The following OR6N1 variants were observed in gnomAD, a reference collection of about 807,000 sequenced individuals.
OR6N1 encodes the protein olfactory receptor 6N1.
For synonymous variants in OR6N1, 170 were observed against 150.7 expected (o/e 1.13, Z -0.94); for missense variants, 394 against 371.7 (o/e 1.06, Z -0.49).
At chr1:158,788,170 A>T in the OR6N1 span, among the ~76,000 whole-genome samples, 1 of 152,210 alleles carries the variant, frequency 6.6e-6, no homozygotes, top group African/African-American at 2.4e-5. Context: ...TGTTAATAGA[A>T]GAAGCATAAA....
chr1:158,820,734 A>T, the OR6N1 span, among the ~76,000 whole-genome samples: 1 of 152,352 alleles, frequency 6.6e-6, no homozygotes, highest in Middle Eastern at 3.4e-3. Context: ...CAAACTGCTT[A>T]AAAGTGGACA....
the OR6N1 span, among the ~76,000 whole-genome samples, chr1:158,786,635 T>C: frequency 1.3e-5 from 2 of 152,184 alleles, no homozygotes; most frequent in Non-Finnish European, 2.9e-5. Flanking sequence ...AAAGAAAATG[T>C]GGTATATATA....
chr1:158,787,634 C>G, the OR6N1 span, among the ~76,000 whole-genome samples: 2 of 132,704 alleles, frequency 1.5e-5, no homozygotes, highest in Admixed American at 1.4e-4. Context: ...CTCTCTCTCT[C>G]TCACACACAC....
chr1:158,776,610 T>C, upstream of OR6N1: 1 of 802,636 alleles, frequency 1.2e-6, no homozygotes, highest in Non-Finnish European at 2.0e-6. Flanking sequence ...AGAGCATGTG[T>C]GATGATGGGA....
the OR6N1 span, among the ~76,000 whole-genome samples, chr1:158,796,791 T>C: frequency 2.0e-5 from 3 of 152,292 alleles, no homozygotes; most frequent in East Asian, 5.8e-4. Context: ...TGTCTTTAAA[T>C]TGAAAAATTA....
chr1:158,839,450 A>T, the OR6N1 span, among the ~76,000 whole-genome samples: 1 of 152,268 alleles, frequency 6.6e-6, no homozygotes, highest in East Asian at 1.9e-4. Flanking sequence ...CCCAGGGAGT[A>T]GCAGATCCCA....
the OR6N1 span, among the ~76,000 whole-genome samples, chr1:158,812,237 T>C: frequency 7.2e-5 from 11 of 152,322 alleles, no homozygotes; most frequent in Admixed American, 2.6e-4. Flanking sequence ...ATCAGTGTGA[T>C]ACAAATGACT....
At chr1:158,783,552 G>A in the OR6N1 span, among the ~76,000 whole-genome samples, 2 of 152,046 alleles carry the variant, frequency 1.3e-5, no homozygotes, top group African/African-American at 4.8e-5. Context: ...TCACCTCTTT[G>A]AAGAAGTCTT....
the OR6N1 span, among the ~76,000 whole-genome samples, chr1:158,780,723 T>A: frequency 6.6e-6 from 1 of 152,190 alleles, no homozygotes; most frequent in Non-Finnish European, 1.5e-5. Flanking sequence ...GTAGAAAAAT[T>A]GTAAGTAGAA....
At chr1:158,774,642 C>T (rs1476656614), upstream of OR6N1, 1 of 152,058 alleles carries the variant, frequency 6.6e-6, no homozygotes, top group African/African-American at 2.4e-5. Flanking sequence ...TATGTTTACG[C>T]ATAACCATAT....
Position 158,766,482 on chromosome 1 carries a change from G to A in OR6N1, c.201C>T (p.Ser67=), listed in dbSNP as rs553836664. 42 of 1,614,198 alleles carry A rather than the reference G, an allele frequency of 2.6e-5. No individual in the cohort carries two copies. The South Asian group carries it at 3.8e-4, about 15-fold the overall frequency. Residue 67 remains serine (S), a synonymous_variant, in exon 2 of 2, where the codon TCC becomes TCT. Coordinates refer to ENST00000641846, the MANE Select transcript of OR6N1 (RefSeq NM_001005185.2). ...CAGCTGTATAGCCAAGCTCTGAGAA[G>A]GAGAGAATGCTGACAAAGTGGTACA... is the stretch of plus-strand genomic sequence containing the variant. ...TPMYHFVSIL[S]FSELGYTAAT...
At chr1:158,768,247 T>C (rs1657327597) in intron 1 of OR6N1, among the ~76,000 whole-genome samples, 1 of 152,118 alleles carries the variant, frequency 6.6e-6, no homozygotes, top group South Asian at 2.1e-4. Flanking sequence ...GACATCTAAA[T>C]CCATATCTCA....
the OR6N1 span, among the ~76,000 whole-genome samples, chr1:158,802,001 C>CTATAA: frequency 1.3e-5 from 2 of 152,010 alleles, no homozygotes; most frequent in Non-Finnish European, 2.9e-5. Context: ...GGGCTCCTTG[C>CTATAA]TATATGTTCT....
chr1:158,781,887 T>G, the OR6N1 span, among the ~76,000 whole-genome samples: 1 of 152,230 alleles, frequency 6.6e-6, no homozygotes, highest in African/African-American at 2.4e-5. Context: ...CTCTGTGAAG[T>G]TGGTGTGATT....
At chr1:158,800,616 G>C in the OR6N1 span, among the ~76,000 whole-genome samples, 2 of 152,148 alleles carry the variant, frequency 1.3e-5, no homozygotes, top group African/African-American at 2.4e-5. Flanking sequence ...AATTGAGAGG[G>C]AGATAATGCT....
chr1:158,799,078 T>C, the OR6N1 span, among the ~76,000 whole-genome samples: 2 of 152,180 alleles, frequency 1.3e-5, no homozygotes, highest in African/African-American at 2.4e-5. Flanking sequence ...AGACCCCACT[T>C]TCAAAGTATC....
In OR6N1 at chr1:158,766,164, G is replaced by A; in HGVS notation, c.519C>T (p.Arg173=). 1 of 1,614,174 alleles carries A rather than the reference G, an allele frequency of 6.2e-7. No homozygotes were observed. The highest frequency in any genetic ancestry group is 1.1e-5 in the South Asian group (1 of 91,084). The change falls in exon 2 of 2, where the codon CGC becomes CGT. Residue 173 remains arginine, a synonymous_variant. Transcript: ENST00000641846. ...GGAAGTCACAAAAGACGTGCTGAATGCGATTGGGGCCACAGAATGGGAGGC... is the reference window on the plus strand; with the variant it reads ...GGAAGTCACAAAAGACGTGCTGAATACGATTGGGGCCACAGAATGGGAGGC... ...ISRLPFCGPN[R]IQHVFCDFPP... is the part of the protein sequence containing the mutation.
At chr1:158,778,947 A>T in the OR6N1 span, among the ~76,000 whole-genome samples, 1 of 143,402 alleles carries the variant, frequency 7.0e-6, no homozygotes, top group Non-Finnish European at 1.5e-5. Flanking sequence ...TGAACCCGGG[A>T]GGTGGAGCTT....
At chr1:158,780,413 G>A in the OR6N1 span, among the ~76,000 whole-genome samples, 698 of 152,228 alleles carry the variant, frequency 4.6e-3, 10 homozygotes, top group African/African-American at 0.016. Context: ...TCTGTGTAAG[G>A]CCTTCTCTGG....
Sources: allele counts gnomAD v4.1 joint callset (sites outside exome capture counted in the v4.1 genomes callset), GRCh38; gene constraint gnomAD v4.1.1; transcripts MANE v1.5; gene names NCBI Gene and HGNC (gene_info 2026-07-23, HGNC 2026-07-21).